CALN1: variants seen among roughly 807,000 people sequenced by gnomAD.
CALN1 encodes the protein calcium-binding protein 8.
Under a neutral mutation model 30.6 loss-of-function variants are expected in CALN1, and 17 were observed. That is an observed-to-expected ratio of 0.56 (90% CI 0.38 to 0.83). The LOEUF is 0.83. Ranked by LOEUF, CALN1 falls within the 40% of genes least tolerant of loss-of-function variation. The pLI is 0.00. For missense variants in CALN1, 291 were observed against 354.9 expected (o/e 0.82, Z 1.45); for synonymous variants, 156 against 131.4 (o/e 1.19, Z -1.28).
At chr7:72,074,406 C>A (rs901044336) in intron 4 of CALN1, among the ~76,000 whole-genome samples, 5 of 152,106 alleles carry the variant, frequency 3.3e-5, no homozygotes, top group African/African-American at 1.2e-4. Context: ...AACAGATGAG[C>A]AAATATACCT....
chr7:72,010,744 C>T (rs1311454947), intron 5 of CALN1, among the ~76,000 whole-genome samples: 1 of 149,794 alleles, frequency 6.7e-6, no homozygotes, highest in African/African-American at 2.5e-5. Flanking sequence ...ACCCAGGAGG[C>T]GGAGATTGCA....
chr7:72,290,093 A>T (rs1272046342), intron 2 of CALN1, among the ~76,000 whole-genome samples: 13 of 77,152 alleles, frequency 1.7e-4, no homozygotes, highest in African/African-American at 6.1e-4. Context: ...AAAAAAAAAA[A>T]AAAAAAAAAA....
intron 5 of CALN1, among the ~76,000 whole-genome samples, chr7:71,944,594 CAAAAAAAAAAAAA>C (rs10677940): frequency 3.3e-5 from 2 of 60,002 alleles, no homozygotes; most frequent in Non-Finnish European, 5.9e-5. Flanking sequence ...AACTCCATCC[CAAAAAAAAAAAAA>C]AAAAAAAAAA....
At chr7:72,371,895 G>A (rs1376753333) in intron 2 of CALN1, among the ~76,000 whole-genome samples, 1 of 152,180 alleles carries the variant, frequency 6.6e-6, no homozygotes, top group African/African-American at 2.4e-5. Flanking sequence ...AGGGCAGAAT[G>A]CATGGAGCAG....
chr7:71,887,218 T>C (rs1450569133), intron 5 of CALN1, among the ~76,000 whole-genome samples: 2 of 152,158 alleles, frequency 1.3e-5, no homozygotes, highest in African/African-American at 2.4e-5. Context: ...AAACTCATAC[T>C]CAAGTGTTTG....
At chr7:71,919,019 A>G (rs902407327) in intron 5 of CALN1, among the ~76,000 whole-genome samples, 7 of 152,132 alleles carry the variant, frequency 4.6e-5, no homozygotes, top group Non-Finnish European at 1.0e-4. Context: ...TGTCCCTTAT[A>G]CTGCTCCATA....
intron 5 of CALN1, among the ~76,000 whole-genome samples, chr7:71,976,378 C>T (rs939746543): frequency 1.4e-4 from 21 of 152,142 alleles, no homozygotes; most frequent in African/African-American, 4.8e-4. Flanking sequence ...TGGTCTTGGG[C>T]CACACATTCC....
chr7:72,185,064 C>A (rs1386782375), intron 3 of CALN1, among the ~76,000 whole-genome samples: 2 of 152,112 alleles, frequency 1.3e-5, no homozygotes, highest in African/African-American at 4.8e-5. Flanking sequence ...CTTGGCCTCC[C>A]AAAGTGCTGG....
intron 6 of CALN1, among the ~76,000 whole-genome samples, chr7:71,806,250 GCACACACA>G (rs748073948): frequency 9.2e-6 from 1 of 109,168 alleles, no homozygotes; most frequent in Admixed American, 8.9e-5. Flanking sequence ...GTGCACGCAT[GCACACACA>G]CACACACACA....
chr7:72,294,404 T>C (rs1409526559), intron 2 of CALN1, among the ~76,000 whole-genome samples: 1 of 152,148 alleles, frequency 6.6e-6, no homozygotes, highest in African/African-American at 2.4e-5. Flanking sequence ...ATATTAGTCA[T>C]AAACTTCTAT....
intron 2 of CALN1, among the ~76,000 whole-genome samples, chr7:72,374,062 C>T (rs891806313): frequency 9.9e-5 from 15 of 152,142 alleles, no homozygotes; most frequent in Admixed American, 1.3e-4. Flanking sequence ...TTCTCACATG[C>T]AAGGAAACAA....
chr7:72,395,356 C>T (rs970434562), intron 2 of CALN1, among the ~76,000 whole-genome samples: 2 of 38,568 alleles, frequency 5.2e-5, no homozygotes, highest in African/African-American at 1.4e-4. Context: ...TGCGCACGCG[C>T]GCGCACACAC....
intron 3 of CALN1, among the ~76,000 whole-genome samples, chr7:72,269,383 A>G (rs1796821770): frequency 1.3e-5 from 2 of 151,354 alleles, no homozygotes; most frequent in South Asian, 4.2e-4. Context: ...AACAGGCCCC[A>G]GTGTGTGATG....
At chr7:71,983,073 G>A (rs1296421100) in intron 5 of CALN1, among the ~76,000 whole-genome samples, 1 of 152,112 alleles carries the variant, frequency 6.6e-6, no homozygotes, top group African/African-American at 2.4e-5. Flanking sequence ...CAATCTGTGG[G>A]CCCTATGTAA....
chr7:72,481,782 T>C, the CALN1 span, among the ~76,000 whole-genome samples: 1 of 152,220 alleles, frequency 6.6e-6, no homozygotes, highest in Non-Finnish European at 1.5e-5. Context: ...TTTTCTGTTA[T>C]TGATTTAGAA....
intron 3 of CALN1, among the ~76,000 whole-genome samples, chr7:72,155,160 C>G (rs1787568192): frequency 6.6e-6 from 1 of 152,132 alleles, no homozygotes; most frequent in Admixed American, 6.5e-5. Context: ...CATTTGAGGG[C>G]ACAGTGAGAA....
intron 3 of CALN1, among the ~76,000 whole-genome samples, chr7:72,139,708 T>A (rs1272512874): frequency 6.6e-6 from 1 of 152,188 alleles, no homozygotes. Context: ...CATCCTCTTC[T>A]AAGCTCCTCG....
At chr7:72,314,371 A>ATATACACATATG (rs1800279065) in intron 2 of CALN1, among the ~76,000 whole-genome samples, 1 of 67,898 alleles carries the variant, frequency 1.5e-5, no homozygotes, top group Non-Finnish European at 5.0e-5. Flanking sequence ...ATATACATAT[A>ATATACACATATG]TACACATATA....
chr7:71,837,015 T>G (rs1352380468), intron 5 of CALN1, among the ~76,000 whole-genome samples: 1 of 150,780 alleles, frequency 6.6e-6, no homozygotes, highest in Non-Finnish European at 1.5e-5. Context: ...ACAAATCACT[T>G]AACGTCAGGA....
Sources: gnomAD v4.1 joint callset for allele counts (sites outside exome capture counted in the v4.1 genomes callset) on GRCh38, gnomAD v4.1.1 for gene constraint, MANE v1.5 for transcripts, NCBI Gene and HGNC (gene_info 2026-07-23, HGNC 2026-07-21) for gene names.